The following NHEJ1 variants were observed in gnomAD, a reference collection of about 807,000 sequenced individuals.
NHEJ1 encodes the protein non-homologous end-joining factor 1.
A neutral mutation model predicts 39.4 loss-of-function variants in NHEJ1; 22 were observed. That is an observed-to-expected ratio of 0.56 (90% confidence interval 0.40 to 0.80). NHEJ1 has a LOEUF of 0.80. Among genes scored for constraint, NHEJ1 ranks in the 30% least tolerant of loss-of-function variants. NHEJ1 has a pLI of 0.00. For synonymous variants in NHEJ1, 154 were observed against 135.6 expected, an observed-to-expected ratio of 1.14 and a Z score of -0.94; for missense variants, 329 against 357.1, an observed-to-expected ratio of 0.92 and a Z score of 0.63.
In NHEJ1 at chr2:219,088,304, A is replaced by G. The variant is rs150661727; in HGVS notation, c.589-10098T>C. ...TATACAGAAGTGAAATGTTAAAAGT[A>G]TGGCTACAAAGAGCAACATAGATGA... On this transcript the variant is annotated intron_variant, in intron 5 of 7. Transcript: ENST00000356853. Among the ~76,000 whole-genome samples, 34 of 152,314 alleles carry G rather than the reference A, an allele frequency of 2.2e-4. No homozygotes were observed. In the East Asian group the frequency reaches 5.4e-3, roughly 24 times the overall value.
chr2:219,069,917 C>CA lies in NHEJ1; in HGVS notation c.*6463dup, dbSNP rs1948941130. On this transcript the variant is annotated 3_prime_UTR_variant, in exon 8 of 8. Coordinates refer to ENST00000356853, the MANE Select transcript of NHEJ1 (RefSeq NM_024782.3). ...GAAAACATTCCAGATTGCTATAAAG[C>CA]AATTCAAGGGAATGGCACTGGCTTG... 6.6e-6 allele frequency: 1 copy of CA among 152,128 alleles called. No homozygotes were observed. The highest frequency in any genetic ancestry group is 1.5e-5 in the Non-Finnish European group (1 of 68,014). The allele number at this position is 152,128 out of a possible 1,614,324, so 9.4% of individuals were successfully genotyped here. A position where few individuals can be genotyped will look rare whatever the true frequency, so the allele number is the denominator to read the frequency against.
At chr2:219,086,954 C>T (rs1041110280) in intron 5 of NHEJ1, among the ~76,000 whole-genome samples, 39 of 152,122 alleles carry the variant, frequency 2.6e-4, no homozygotes, top group Non-Finnish European at 4.0e-4. Context: ...CAAACCATGG[C>T]TTTCTAGTCT....
At chr2:219,105,509 C>T (rs879677975) in intron 5 of NHEJ1, among the ~76,000 whole-genome samples, 19 of 152,188 alleles carry the variant, frequency 1.2e-4, no homozygotes, top group Non-Finnish European at 2.2e-4. Flanking sequence ...CGCTGCTCTG[C>T]CACTGCCTCT....
In NHEJ1 at chr2:219,078,118, A is replaced by G; in HGVS notation, c.677T>C (p.Val226Ala). The change falls in exon 6 of 8, where the codon GTC becomes GCC. Residue 226 changes from valine to alanine, a missense_variant. Physicochemically the swap from Val to Ala is moderately conservative, Grantham distance 64. Coordinates refer to ENST00000356853, the MANE Select transcript of NHEJ1 (RefSeq NM_024782.3). Reference protein sequence around the residue: ...DLYMAVTTQEVQVGQKHQGAG... With the variant: ...DLYMAVTTQEAQVGQKHQGAG... ...GCCTTGATGCTTCTGTCCCACTTGG[A>G]CCTCTTGTGTGGTGACTGCCATATA... is the stretch of plus-strand genomic sequence containing the variant. 10 of 1,614,040 alleles carry G rather than the reference A, an allele frequency of 6.2e-6. No individual in the cohort carries two copies. Among genetic ancestry groups the G allele is most frequent in the Non-Finnish European group, 8.5e-6 (10 of 1,179,984 alleles).
chr2:219,080,640 C>A (rs1949056637), intron 5 of NHEJ1, among the ~76,000 whole-genome samples: 5 of 121,764 alleles, frequency 4.1e-5, no homozygotes, highest in East Asian at 2.6e-4. Context: ...TATATATAAG[C>A]TTATATATAT....
chr2:219,108,083 G>T (rs1559192810), intron 5 of NHEJ1, among the ~76,000 whole-genome samples: 1 of 151,856 alleles, frequency 6.6e-6, no homozygotes, highest in Non-Finnish European at 1.5e-5. Context: ...CCAGCCCCGA[G>T]CCAACCCCCA....
rs1455794062 is a variant in NHEJ1 at position 219,147,804 on chromosome 2, G to A, written c.391-9C>T. ...ATCAAATGTTGGGAGACCTTTGAGG[G>A]AAGAGATATCAATTAGCCAAAAGAC... On this transcript the variant is annotated splice_polypyrimidine_tract_variant and intron_variant, in intron 3 of 7. Transcript: ENST00000356853. 8 of 1,614,032 alleles carry A rather than the reference G, an allele frequency of 5.0e-6. No individual in the cohort carries two copies. The South Asian group carries it at 8.8e-5, about 18-fold the overall frequency.
chr2:219,099,891 G>T (rs533943783), intron 5 of NHEJ1, among the ~76,000 whole-genome samples: 1 of 152,272 alleles, frequency 6.6e-6, no homozygotes, highest in African/African-American at 2.4e-5. Context: ...AATTTCAGAA[G>T]GTACAATGGT....
chr2:219,102,669 T>C (rs1949274168), intron 5 of NHEJ1: 1 of 151,776 alleles, frequency 6.6e-6, no homozygotes, highest in Non-Finnish European at 1.5e-5. Context: ...AGTAGTAGGA[T>C]TGTGCCTGTG....
At chr2:219,146,138 G>A (rs11904535) in intron 5 of NHEJ1, among the ~76,000 whole-genome samples, 6,259 of 152,084 alleles carry the variant, frequency 0.041, 437 homozygotes, top group African/African-American at 0.14. Context: ...GGAAACCTAG[G>A]CAGGAGCTTC....
At chr2:219,093,503 T>C (rs1037658699) in intron 5 of NHEJ1, among the ~76,000 whole-genome samples, 5 of 152,176 alleles carry the variant, frequency 3.3e-5, no homozygotes, top group African/African-American at 7.2e-5. Flanking sequence ...AGGGATAAAC[T>C]GTGCCCTGAA....
chr2:219,121,206 A>G (rs541962649), intron 5 of NHEJ1, among the ~76,000 whole-genome samples: 2 of 138,034 alleles, frequency 1.4e-5, no homozygotes, highest in South Asian at 2.3e-4. Flanking sequence ...AACTCTGTCT[A>G]AAAAAAAAAA....
intron 5 of NHEJ1, among the ~76,000 whole-genome samples, chr2:219,092,672 G>A (rs1949171740): frequency 6.6e-6 from 1 of 152,112 alleles, no homozygotes; most frequent in Non-Finnish European, 1.5e-5. Context: ...ACGAACCCAG[G>A]GTAAAAACCC....
At chr2:219,117,542 T>C (rs1949426931) in intron 5 of NHEJ1, among the ~76,000 whole-genome samples, 1 of 152,182 alleles carries the variant, frequency 6.6e-6, no homozygotes. Flanking sequence ...AACGCACAAG[T>C]AAACACAGGT....
intron 5 of NHEJ1, among the ~76,000 whole-genome samples, chr2:219,142,768 T>C (rs1949703692): frequency 6.6e-6 from 1 of 152,182 alleles, no homozygotes; most frequent in African/African-American, 2.4e-5. Context: ...CCCCCAGTCC[T>C]ACAAAATGCC....
chr2:219,155,427 T>G (rs1949844307), intron 3 of NHEJ1, among the ~76,000 whole-genome samples: 1 of 151,752 alleles, frequency 6.6e-6, no homozygotes, highest in Non-Finnish European at 1.5e-5. Context: ...TAATTTTATT[T>G]ATTTTTTTAA....
At chr2:219,159,552 C>CAT (rs373057307) in intron 1 of NHEJ1, among the ~76,000 whole-genome samples, 4,456 of 66,096 alleles carry the variant, frequency 0.067, 556 homozygotes, top group East Asian at 0.2. Flanking sequence ...TATATATATG[C>CAT]ATATATATAT....
chr2:219,156,311 T>C (rs1949854898), intron 3 of NHEJ1, among the ~76,000 whole-genome samples: 1 of 152,230 alleles, frequency 6.6e-6, no homozygotes, highest in African/African-American at 2.4e-5. Flanking sequence ...GAAGTCTTTC[T>C]ATCCAGTCAT....
At chr2:219,122,661 C>T (rs1949482521) in intron 5 of NHEJ1, among the ~76,000 whole-genome samples, 1 of 152,122 alleles carries the variant, frequency 6.6e-6, no homozygotes, top group Admixed American at 6.5e-5. Flanking sequence ...TTTGCCTCCT[C>T]CTCAATAGAC....
Sources: allele counts gnomAD v4.1 joint callset (sites outside exome capture counted in the v4.1 genomes callset), GRCh38; gene constraint gnomAD v4.1.1; transcripts MANE v1.5; gene names NCBI Gene and HGNC (gene_info 2026-07-23, HGNC 2026-07-21).